The following RPUSD3 variants were observed in gnomAD, a reference collection of about 807,000 sequenced individuals.
RPUSD3 encodes mitochondrial mRNA pseudouridine synthase RPUSD3.
A neutral mutation model predicts 35.1 loss-of-function variants in RPUSD3; 36 were observed. The ratio of observed to expected loss-of-function variants is 1.02; its 90% CI spans 0.79 to 1.35. The LOEUF (loss-of-function observed/expected upper bound fraction) is 1.35, where lower values mean the gene tolerates loss of function less well. Among genes scored for constraint, RPUSD3 ranks in the 40% most tolerant of loss-of-function variants. RPUSD3 has a pLI of 0.00. For missense variants in RPUSD3, 486 were observed against 441.9 expected (o/e 1.10, Z -0.89); for synonymous variants, 202 against 187.8 (o/e 1.08, Z -0.62).
exon 5 of RPUSD3, chr3:9,840,788 A>G (rs775434005): frequency 3.7e-6 from 6 of 1,613,808 alleles, no homozygotes; most frequent in African/African-American, 1.3e-5. Context: ...GGAGAGGAGT[A>G]CAAGCCCAGA....
At chr3:9,843,339 G>A in intron 2 of RPUSD3, 126 bp downstream of exon 2, 1 of 1,421,866 alleles carries the variant, frequency 7.0e-7, no homozygotes, top group Non-Finnish European at 9.6e-7. Context: ...TAGGTGGCTT[G>A]TCCCAGCTCA....
At chr3:9,838,409 A>C (rs1403766505) in intron 8 of RPUSD3, among the ~76,000 whole-genome samples, 1 of 152,192 alleles carries the variant, frequency 6.6e-6, no homozygotes, top group African/African-American at 2.4e-5. Flanking sequence ...GGGGTCACCC[A>C]ATCAGTTTCC....
At chr3:9,839,527 G>T in intron 7 of RPUSD3, 1 of 172,916 alleles carries the variant, frequency 5.8e-6, no homozygotes. Context: ...ATGCTCCCCA[G>T]GCTGCTGCTG....
chr3:9,843,872 GA>G lies in RPUSD3; in HGVS notation c.125+17del. 1.9e-6 allele frequency: 3 copies of G among 1,596,528 alleles called. No individual in the cohort carries two copies. Among genetic ancestry groups the G allele is most frequent in the Middle Eastern group, 1.7e-4 (1 of 6,044 alleles). On this transcript the variant is annotated intron_variant, in intron 1 of 8. Transcript: ENST00000383820. ...GCCCTAGCCTCCGTCCCGCATGAGA[GA>G]GGGGGTACTTAATCACCGGGCTTCG...
At chr3:9,843,776 C>A in intron 1 of RPUSD3, 114 bp downstream of exon 1, 1 of 1,545,178 alleles carries the variant, frequency 6.5e-7, no homozygotes, top group Non-Finnish European at 8.8e-7. Flanking sequence ...GGCACCGAGG[C>A]TCAGAGAGGC....
rs998077926 is a variant in RPUSD3 at position 9,842,046 on chromosome 3, G to A, written c.344C>T (p.Pro115Leu). The change falls in exon 4 of 9, where the codon CCA (proline) becomes CTA (leucine). Residue 115 changes from proline to leucine, a missense_variant. By Grantham distance (98) the Pro-to-Leu change is moderately conservative. Transcript: ENST00000383820. ...GAGCCCTAGGGACTGGCTCAGCTCT[G>A]GCAGCACTGAGAACAACGTCAGCTC... The A allele has an allele frequency of 4.3e-6, 7 of 1,612,558 alleles. No homozygotes were observed. In the African/African-American group the frequency reaches 9.4e-5, roughly 22 times the overall value.
chr3:9,842,374 TACCCCAC>T (rs889091471), intron 2 of RPUSD3, 131 bp from the exon 3 acceptor site: 22 of 866,232 alleles, frequency 2.5e-5, no homozygotes, highest in Admixed American at 2.0e-4. Context: ...ATGAGTTAAC[TACCCCAC>T]ACCAAATTCA....
exon 9 of RPUSD3, chr3:9,837,964 C>A (rs747329961): frequency 3.6e-5 from 54 of 1,499,824 alleles, no homozygotes; most frequent in Non-Finnish European, 4.7e-5. Context: ...GACTGCAGAG[C>A]CCCCACCCTC....
At chr3:9,841,767 C>T (rs1395405644) in intron 4 of RPUSD3, 16 of 469,904 alleles carry the variant, frequency 3.4e-5, no homozygotes, top group South Asian at 3.1e-4. Flanking sequence ...CTGTGCCCAG[C>T]GTCAGGGAGG....
intron 7 of RPUSD3, chr3:9,839,891 T>C (rs1475852153): frequency 4.2e-6 from 1 of 240,550 alleles, no homozygotes; most frequent in Admixed American, 5.6e-5. Flanking sequence ...GTGCAGTTTT[T>C]TTTTTTTTTA....
intron 8 of RPUSD3, 109 bp from the exon 9 acceptor site, chr3:9,838,316 T>TG (rs2082054165): frequency 2.0e-6 from 2 of 1,005,306 alleles, no homozygotes; most frequent in Non-Finnish European, 3.0e-6. Context: ...TTCCCCACTG[T>TG]TCTGCAACTG....
At chr3:9,838,996 C>T (rs1477213419) in intron 8 of RPUSD3, 36 bp downstream of exon 8, 3 of 1,613,604 alleles carry the variant, frequency 1.9e-6, no homozygotes, top group Non-Finnish European at 2.5e-6. Context: ...TCTCCCTCCA[C>T]CCCTCAGAAA....
chr3:9,842,329 C>G, intron 2 of RPUSD3, 86 bp from the exon 3 acceptor site: 1 of 1,224,088 alleles, frequency 8.2e-7, no homozygotes, highest in Non-Finnish European at 1.2e-6. Context: ...CTTTCTCACG[C>G]ATCTTAGCAC....
chr3:9,843,293 T>C (rs2082129490), intron 2 of RPUSD3, 172 bp downstream of exon 2: 2 of 845,424 alleles, frequency 2.4e-6, no homozygotes, highest in East Asian at 2.5e-5. Flanking sequence ...TACTGCATCA[T>C]GGCAGTAGGG....
chr3:9,839,224 A>G, intron 7 of RPUSD3, 53 bp from the exon 8 acceptor site: 1 of 1,566,610 alleles, frequency 6.4e-7, no homozygotes, highest in Middle Eastern at 1.7e-4. Flanking sequence ...GTTCTGTGCC[A>G]CCCAGTATCA....
rs766362592 is a variant in RPUSD3 at position 9,840,571 on chromosome 3, C to G, written c.561G>C (p.Gln187His). Residue 187 changes from glutamine (Q) to histidine (H), a missense_variant, in exon 6 of 9, where the codon CAG becomes CAC. By Grantham distance (24) the Gln-to-His change is conservative. Transcript: ENST00000383820. The stretch of plus-strand genomic sequence containing the variant: ...CAATGTGTTCCAGTTTCAGGGCAGC[C>G]TGGATCTTCCCCTCAGAAGCAGCTG... 6.2e-6 allele frequency: 10 copies of G among 1,613,998 alleles called. No individual in the cohort carries two copies. In the Admixed American group the frequency reaches 8.3e-5, roughly 13 times the overall value.
intron 2 of RPUSD3, 68 bp from the exon 3 acceptor site, chr3:9,842,311 C>G (rs1379806464): frequency 2.7e-6 from 4 of 1,492,562 alleles, no homozygotes; most frequent in South Asian, 1.1e-5. Flanking sequence ...TAAAGAGTTT[C>G]CAGAGCACTT....
exon 5 of RPUSD3, chr3:9,840,766 C>T: frequency 6.2e-7 from 1 of 1,614,086 alleles, no homozygotes; most frequent in Non-Finnish European, 8.5e-7. Flanking sequence ...GACTAGCTGT[C>T]TGGGGACAGC....
In RPUSD3 at chr3:9,840,514, TC is replaced by T. The variant is rs757552630; in HGVS notation, c.600+17del. 1.9e-6 allele frequency: 3 copies of T among 1,613,384 alleles called. No homozygotes were observed. The highest frequency in any genetic ancestry group is 2.5e-6 in the Non-Finnish European group (3 of 1,179,422). On this transcript the variant is annotated intron_variant, in intron 6 of 8. Coordinates refer to ENST00000383820, the Ensembl canonical transcript of RPUSD3. ...CTATATCTAGAAGCACCCCTCCTCT[TC>T]CCAGACCCGGACTCACGAGATTGAC...
Sources: gnomAD v4.1 joint callset for allele counts (sites outside exome capture counted in the v4.1 genomes callset) on GRCh38, gnomAD v4.1.1 for gene constraint, MANE v1.5 for transcripts, NCBI Gene and HGNC (gene_info 2026-07-23, HGNC 2026-07-21) for gene names.